ROBO1: variants seen among roughly 807,000 people sequenced by gnomAD.
ROBO1 encodes the protein roundabout guidance receptor 1, also known as roundabout homolog 1.
In ROBO1, 149 loss-of-function variants were observed where a neutral mutation model predicts 195.9. The ratio of observed to expected loss-of-function variants is 0.76; its 90% CI spans 0.67 to 0.87. The LOEUF is 0.87. Among genes scored for constraint, ROBO1 ranks in the 40% least tolerant of loss-of-function variants. ROBO1 has a pLI of 0.00. For synonymous variants in ROBO1, 816 were observed against 733.2 expected (o/e 1.11, Z -1.82); for missense variants, 1,933 against 2,068.3 (o/e 0.93, Z 1.27).
intron 2 of ROBO1, among the ~76,000 whole-genome samples, chr3:79,133,844 A>G (rs2080341845): frequency 6.8e-6 from 1 of 146,176 alleles, no homozygotes; most frequent in African/African-American, 2.6e-5. Flanking sequence ...GATGATGGTG[A>G]TGTACAGATG....
intron 2 of ROBO1, among the ~76,000 whole-genome samples, chr3:79,354,797 T>C (rs2035479155): frequency 6.6e-6 from 1 of 152,134 alleles, no homozygotes; most frequent in Non-Finnish European, 1.5e-5. Flanking sequence ...ACTTAAAGCT[T>C]TTAATAACAG....
At chr3:79,292,573 G>A (rs1406733587) in intron 2 of ROBO1, among the ~76,000 whole-genome samples, 2 of 152,184 alleles carry the variant, frequency 1.3e-5, no homozygotes, top group East Asian at 1.9e-4. Context: ...TTTATTGAGG[G>A]TTTTTAGCAT....
At chr3:79,385,323 A>C (rs2106656766) in intron 2 of ROBO1, among the ~76,000 whole-genome samples, 1 of 152,284 alleles carries the variant, frequency 6.6e-6, no homozygotes, top group African/African-American at 2.4e-5. Flanking sequence ...ATGTTATCAC[A>C]AATGTTTGAA....
chr3:79,305,912 G>T lies in ROBO1; in HGVS notation c.89-180373C>A, dbSNP rs560644939. Among the ~76,000 whole-genome samples, 11 of 152,140 alleles carry T rather than the reference G, an allele frequency of 7.2e-5. No homozygotes were observed. In the East Asian group the frequency reaches 1.9e-3, roughly 27 times the overall value. On this transcript the variant is annotated intron_variant, in intron 2 of 30. Transcript: ENST00000464233. ...AATTTTCAACGTAATGTAAGTGAAG[G>T]TTGAAAAAAATTGAAAAACTATAGG...
At chr3:79,145,275 A>T (rs539920192) in intron 2 of ROBO1, among the ~76,000 whole-genome samples, 1 of 152,034 alleles carries the variant, frequency 6.6e-6, no homozygotes, top group African/African-American at 2.4e-5. Flanking sequence ...TCAAAAATAG[A>T]TAAAAATCAT....
chr3:79,418,220 T>C lies in ROBO1; in HGVS notation c.88+171604A>G, dbSNP rs75786333. ...ACTGGCACTGGTGTGTTTCTTTCTA[T>C]GGCTTATGAAACAGAATTTCCCACT... On this transcript the variant is annotated intron_variant, in intron 2 of 30. Coordinates refer to ENST00000464233, the MANE Select transcript of ROBO1 (RefSeq NM_002941.4). 8.5e-3 allele frequency among the ~76,000 whole-genome samples: 1,296 copies of C among 152,302 alleles called. 22 individuals are homozygous for C. The highest frequency in any genetic ancestry group is 0.029 in the African/African-American group (1,218 of 41,574).
chr3:78,652,021 G>A, intron 18 of ROBO1, 92 bp from the exon 19 acceptor site: 1 of 993,058 alleles, frequency 1.0e-6, no homozygotes, highest in Non-Finnish European at 1.5e-6. Flanking sequence ...GTTAATTTCT[G>A]GATAATGATT....
intron 1 of ROBO1, among the ~76,000 whole-genome samples, chr3:79,753,695 A>C (rs2107488000): frequency 6.6e-6 from 1 of 152,326 alleles, no homozygotes; most frequent in African/African-American, 2.4e-5. Context: ...AAATCCTAAC[A>C]GAAAAGCTTT....
chr3:78,769,263 T>C (rs2083306248), intron 4 of ROBO1, among the ~76,000 whole-genome samples: 1 of 152,152 alleles, frequency 6.6e-6, no homozygotes, highest in East Asian at 1.9e-4. Flanking sequence ...TGCATACATG[T>C]TTAGGATTGT....
intron 3 of ROBO1, among the ~76,000 whole-genome samples, chr3:79,045,553 T>C (rs747091892): frequency 2.0e-5 from 3 of 152,052 alleles, no homozygotes; most frequent in African/African-American, 7.2e-5. Context: ...AATAACACCA[T>C]ACAAAAATGA....
At chr3:79,000,408 G>A (rs1403116862) in intron 3 of ROBO1, among the ~76,000 whole-genome samples, 3 of 152,190 alleles carry the variant, frequency 2.0e-5, no homozygotes, top group East Asian at 3.9e-4. Flanking sequence ...TTGCTGAGCA[G>A]AAGCTCTTTA....
intron 4 of ROBO1, among the ~76,000 whole-genome samples, chr3:78,925,205 T>G (rs1326317620): frequency 6.6e-6 from 1 of 152,204 alleles, no homozygotes; most frequent in Admixed American, 6.5e-5. Flanking sequence ...TCAATGCATA[T>G]TCCCCTTTAA....
intron 2 of ROBO1, among the ~76,000 whole-genome samples, chr3:79,248,374 C>CAAAAA (rs10559171): frequency 1.4e-3 from 52 of 36,026 alleles, no homozygotes; most frequent in East Asian, 5.3e-3. Context: ...GAAGACAGAC[C>CAAAAA]AAAAAAAAAA....
intron 2 of ROBO1, among the ~76,000 whole-genome samples, chr3:79,532,506 C>A (rs191807215): frequency 6.6e-6 from 1 of 152,006 alleles, no homozygotes; most frequent in Non-Finnish European, 1.5e-5. Context: ...ATAGGTCAGG[C>A]GTGGATGTGC....
intron 3 of ROBO1, among the ~76,000 whole-genome samples, chr3:79,076,585 G>T (rs981824324): frequency 6.6e-6 from 1 of 151,502 alleles, no homozygotes; most frequent in South Asian, 2.1e-4. Context: ...TTTTTCAGGG[G>T]ATTTATTGAA....
At chr3:78,689,648 C>T (rs1402965508) in intron 8 of ROBO1, among the ~76,000 whole-genome samples, 1 of 152,028 alleles carries the variant, frequency 6.6e-6, no homozygotes, top group East Asian at 1.9e-4. Flanking sequence ...CTCTGAAACA[C>T]CTAATTATTC....
chr3:79,171,566 C>A (rs6804803), intron 2 of ROBO1, among the ~76,000 whole-genome samples: 1 of 152,018 alleles, frequency 6.6e-6, no homozygotes, highest in Non-Finnish European at 1.5e-5. Flanking sequence ...GTAAACAGCA[C>A]ACACATACAT....
chr3:79,155,281 A>T (rs1292501760), intron 2 of ROBO1, among the ~76,000 whole-genome samples: 5 of 151,706 alleles, frequency 3.3e-5, no homozygotes, highest in Non-Finnish European at 7.4e-5. Context: ...AGAGAGAGGG[A>T]TAAACAGTCT....
chr3:78,694,056 T>C (rs1484487377), intron 8 of ROBO1, among the ~76,000 whole-genome samples: 6 of 152,194 alleles, frequency 3.9e-5, no homozygotes, highest in Admixed American at 3.9e-4. Context: ...AGATGGTGCA[T>C]AGAAAAAAGT....
Sources: allele counts gnomAD v4.1 joint callset (sites outside exome capture counted in the v4.1 genomes callset), GRCh38; gene constraint gnomAD v4.1.1; transcripts MANE v1.5; gene names NCBI Gene and HGNC (gene_info 2026-07-23, HGNC 2026-07-21).